The following LEPR variants were observed in gnomAD, a reference collection of about 807,000 sequenced individuals.
LEPR encodes the protein leptin receptor, also known as OB receptor.
In LEPR, 56 loss-of-function variants were observed where a neutral mutation model predicts 114.7. That is an observed-to-expected ratio of 0.49 (90% CI 0.39 to 0.61). LEPR has a LOEUF of 0.61. Among genes scored for constraint, LEPR ranks in the 20% least tolerant of loss-of-function variants. The pLI, the probability that LEPR is intolerant of heterozygous loss-of-function variation, is 0.00. For missense variants in LEPR, 1,202 were observed against 1,352.9 expected (o/e 0.89, Z 1.75); for synonymous variants, 443 against 461.4 (o/e 0.96, Z 0.51).
chr1:65,503,796 T>TACACACAC (rs71584485), intron 2 of LEPR, among the ~76,000 whole-genome samples: 14 of 147,258 alleles, frequency 9.5e-5, no homozygotes, highest in East Asian at 8.2e-4. Flanking sequence ...TGAAGTTAGC[T>TACACACAC]ACACACACAC....
intron 2 of LEPR, among the ~76,000 whole-genome samples, chr1:65,493,188 T>C (rs1647968443): frequency 6.6e-6 from 1 of 152,036 alleles, no homozygotes; most frequent in Non-Finnish European, 1.5e-5. Flanking sequence ...CTCCTTGTTT[T>C]TTCTCTTATT....
At chr1:65,519,109 C>CTCCTTCCTTCCT (rs202044069) in intron 2 of LEPR, among the ~76,000 whole-genome samples, 3,082 of 109,626 alleles carry the variant, frequency 0.028, 73 homozygotes, top group Non-Finnish European at 0.031. Flanking sequence ...GTGTCTCTCT[C>CTCCTTCCTTCCT]TCCTTCCTTC....
At chr1:65,459,234 C>G (rs1198497747) in intron 2 of LEPR, among the ~76,000 whole-genome samples, 1 of 152,128 alleles carries the variant, frequency 6.6e-6, no homozygotes, top group Non-Finnish European at 1.5e-5. Context: ...AGAGAATCAC[C>G]CATGGTGTTG....
At chr1:65,488,159 C>CTTTCTTT (rs1647610430) in intron 2 of LEPR, among the ~76,000 whole-genome samples, 1 of 65,482 alleles carries the variant, frequency 1.5e-5, no homozygotes, top group African/African-American at 9.8e-5. Context: ...TTCCTTCCTT[C>CTTTCTTT]CTTTCTTTCT....
chr1:65,526,032 C>A (rs1055339894), intron 2 of LEPR: 267 of 887,640 alleles, frequency 3.0e-4, no homozygotes, highest in Non-Finnish European at 3.5e-4. Flanking sequence ...CGACTCTCGG[C>A]TCCCGTGGGG....
At position 65,570,518 on chromosome 1, in the gene LEPR, C is replaced by A; in HGVS notation, c.86C>A (p.Thr29Asn). 1.9e-6 allele frequency: 3 copies of A among 1,613,906 alleles called. No individual in the cohort carries two copies. The highest frequency in any genetic ancestry group is 2.5e-6 in the Non-Finnish European group (3 of 1,179,924). Residue 29 changes from threonine (T) to asparagine (N), a missense_variant, in exon 4 of 20, where the codon ACT (threonine) becomes AAT (asparagine). Physicochemically the swap from Thr to Asn is moderately conservative, Grantham distance 65. Transcript: ENST00000349533. Reference sequence around the variant, plus strand: ...GCGTTTAACTTGTCATATCCAATTACTCCTTGGAGATTTAAGTTGTCTTGC... The same window carrying A: ...GCGTTTAACTTGTCATATCCAATTAATCCTTGGAGATTTAAGTTGTCTTGC... ...ITAFNLSYPI[T>N]PWRFKLSCMP... is the part of the protein sequence containing the mutation.
intron 2 of LEPR, among the ~76,000 whole-genome samples, chr1:65,551,059 A>T (rs548962573): frequency 1.3e-5 from 2 of 152,160 alleles, no homozygotes; most frequent in African/African-American, 4.8e-5. Context: ...CATCCTAGAG[A>T]TGAAGCCGAC....
chr1:65,602,007 T>C (rs1381199618), intron 10 of LEPR, 47 bp downstream of exon 10: 2 of 1,499,870 alleles, frequency 1.3e-6, no homozygotes, highest in African/African-American at 2.8e-5. Flanking sequence ...CACAGTGAGA[T>C]AAAAATTTTC....
chr1:65,601,759 T>C, intron 9 of LEPR, 77 bp downstream of exon 9: 1 of 1,595,786 alleles, frequency 6.3e-7, no homozygotes, highest in South Asian at 1.1e-5. Context: ...ATTAGAGTCC[T>C]GTTAAAGATG....
rs748075354 is a variant in LEPR at position 65,618,014 on chromosome 1, A to G, written c.2263A>G (p.Ile755Val). 10 of 1,613,034 alleles carry G rather than the reference A, an allele frequency of 6.2e-6. No homozygotes were observed. The East Asian group carries it at 2.0e-4, about 32-fold the overall frequency. The change falls in exon 16 of 20, where the codon ATT becomes GTT. Residue 755 changes from isoleucine (I) to valine (V), a missense_variant. Transcript: ENST00000349533. ...SAYPLNSSCV[I>V]VSWILSPSDY... ...TTATCCTTTAAACAGCAGTTGTGTG[A>G]TTGTTTCCTGGATACTATCACCCAG...
intron 14 of LEPR, among the ~76,000 whole-genome samples, chr1:65,613,630 G>A (rs1657324068): frequency 1.5e-5 from 2 of 130,086 alleles, no homozygotes; most frequent in Non-Finnish European, 3.2e-5. Flanking sequence ...GCGGGCGCCT[G>A]TAGTCCCAGC....
chr1:65,507,437 T>TTA (rs1648789722), intron 2 of LEPR, among the ~76,000 whole-genome samples: 1 of 138,776 alleles, frequency 7.2e-6, no homozygotes, highest in South Asian at 2.4e-4. Flanking sequence ...TAGTATTCCA[T>TTA]TGTGTGTGTG....
intron 2 of LEPR, among the ~76,000 whole-genome samples, chr1:65,519,488 C>T (rs776703844): frequency 4.0e-5 from 6 of 151,884 alleles, no homozygotes; most frequent in Non-Finnish European, 5.9e-5. Context: ...CTATCAATAG[C>T]CTGTTAATAA....
At position 65,503,327 on chromosome 1, in the gene LEPR, G is replaced by C. The variant is rs976324480; in HGVS notation, c.-20-62219G>C. On this transcript the variant is annotated intron_variant, in intron 2 of 19. Transcript: ENST00000349533. ...AAATTGTAAAAAAAATTATTTCTGA[G>C]GTCAGAGGGTCACAGGGTGGAATAT... Among the ~76,000 whole-genome samples the C allele has an allele frequency of 2.6e-5, 4 of 152,182 alleles. No individual in the cohort carries two copies. In the South Asian group the frequency reaches 8.3e-4, roughly 32 times the overall value.
chr1:65,579,067 G>A (rs1173142034), intron 5 of LEPR, among the ~76,000 whole-genome samples: 1 of 152,174 alleles, frequency 6.6e-6, no homozygotes, highest in East Asian at 1.9e-4. Flanking sequence ...CAATCGTCAT[G>A]AGGGCTAGTG....
chr1:65,537,572 T>C (rs372035759), intron 2 of LEPR, among the ~76,000 whole-genome samples: 32 of 152,258 alleles, frequency 2.1e-4, no homozygotes, highest in African/African-American at 7.2e-4. Flanking sequence ...TTTTATGAGC[T>C]CCTTTATTGG....
intron 2 of LEPR, chr1:65,433,924 G>A (rs1646522822): frequency 3.0e-6 from 3 of 984,980 alleles, no homozygotes; most frequent in Non-Finnish European, 3.6e-6. Context: ...TAACAGAACA[G>A]TAGCAATAAG....
chr1:65,575,093 G>T (rs1197012335), intron 5 of LEPR, among the ~76,000 whole-genome samples: 1 of 152,176 alleles, frequency 6.6e-6, no homozygotes, highest in Non-Finnish European at 1.5e-5. Flanking sequence ...ACCAACTGCT[G>T]CTGCCCAGGT....
chr1:65,514,777 A>C (rs1049580290), intron 2 of LEPR, among the ~76,000 whole-genome samples: 1 of 152,236 alleles, frequency 6.6e-6, no homozygotes, highest in East Asian at 1.9e-4. Flanking sequence ...TTAGTTATAC[A>C]AATGGGAAAC....
Sources: gnomAD v4.1 joint callset for allele counts (sites outside exome capture counted in the v4.1 genomes callset) on GRCh38, gnomAD v4.1.1 for gene constraint, MANE v1.5 for transcripts, NCBI Gene and HGNC (gene_info 2026-07-23, HGNC 2026-07-21) for gene names.